Variants in MGAM2 observed in about 807,000 individuals in gnomAD.
MGAM2 encodes the protein maltase-glucoamylase 2 (putative).
A neutral mutation model predicts 96.1 loss-of-function variants in MGAM2; 98 were observed. The ratio of observed to expected loss-of-function variants is 1.02; its 90% CI spans 0.87 to 1.21. The LOEUF (loss-of-function observed/expected upper bound fraction) is 1.21. MGAM2 is among the 50% of genes most tolerant of loss of function. MGAM2 has a pLI of 0.00. For synonymous variants in MGAM2, 749 were observed against 414.8 expected, an observed-to-expected ratio of 1.81 and a Z score of -9.79; for missense variants, 2,055 against 1,182.4, an observed-to-expected ratio of 1.74 and a Z score of -10.82.
chr7:142,196,019 G>A (rs924076348), intron 37 of MGAM2, 135 bp from the exon 38 acceptor site: 1 of 649,736 alleles, frequency 1.5e-6, no homozygotes, highest in Middle Eastern at 4.0e-4. Flanking sequence ...ATGGCTTTGA[G>A]ACAGCAGATT....
In MGAM2 at chr7:142,167,403, GC is replaced by G. The variant is rs1185774624; in HGVS notation, c.2946del (p.Ala983ProfsTer14). 1 of 702,794 alleles carries G rather than the reference GC, an allele frequency of 1.4e-6. No homozygotes were observed. The highest frequency in any genetic ancestry group is 2.6e-6 in the Non-Finnish European group (1 of 384,986). The allele number at this position is 702,794 out of a possible 1,614,324, so 43.5% of individuals were successfully genotyped here. On this transcript the variant is annotated frameshift_variant, in exon 26 of 48. Transcript: ENST00000477922. LOFTEE classifies it high-confidence loss of function. ...GATGGCCCCTGAGTCAGCTGCTGCT[GC>G]CGCCTCTGATTCTCTCTCTGCAAAG... ...LPMAPESAAA[A>X]ASDSLSAKIS...
rs1261153853 is a variant in MGAM2 at position 142,147,687 on chromosome 7, G to A, written c.1634+114G>A. On this transcript the variant is annotated intron_variant, in intron 15 of 47. Coordinates refer to ENST00000477922, the MANE Select transcript of MGAM2 (RefSeq NM_001293626.2). ...TGTTCAAATATTTTTTGCATTTATA[G>A]AAATAGAAAAACTGTTCTTACAGAG... The A allele has an allele frequency of 5.3e-6, 3 of 564,938 alleles. No individual in the cohort carries two copies. In the East Asian group the frequency reaches 8.7e-5, roughly 16 times the overall value. The allele number at this position is 564,938 out of a possible 1,614,324, so 35.0% of individuals were successfully genotyped here.
chr7:142,218,547 A>G lies in MGAM2; in HGVS notation c.5358+16A>G. 1.6e-6 allele frequency: 1 copy of G among 610,428 alleles called. No individual in the cohort carries two copies. Among genetic ancestry groups the G allele is most frequent in the Admixed American group, 2.7e-5 (1 of 36,974 alleles). The allele number at this position is 610,428 out of a possible 1,614,324, so 37.8% of individuals were successfully genotyped here. A position where few individuals can be genotyped will look rare whatever the true frequency, so the allele number is the denominator to read the frequency against. On this transcript the variant is annotated intron_variant, in intron 47 of 47. Coordinates refer to ENST00000477922, the MANE Select transcript of MGAM2 (RefSeq NM_001293626.2). ...TTATAATCAGGTAGGTCTGAAAGGA[A>G]TATTAGCATATCACAAGTAAATTTT...
intron 44 of MGAM2, 104 bp from the exon 45 acceptor site, chr7:142,199,776 C>T: frequency 2.0e-6 from 1 of 496,512 alleles, no homozygotes; most frequent in Non-Finnish European, 3.6e-6. Context: ...ATATTTAATA[C>T]ATTTCTTTTA....
Position 142,141,025 on chromosome 7 carries a change from C to G in MGAM2, c.1223C>G (p.Pro408Arg). The G allele has an allele frequency of 1.4e-6, 1 of 696,956 alleles. No individual in the cohort carries two copies. The allele number at this position is 696,956 out of a possible 1,614,324, so 43.2% of individuals were successfully genotyped here. A position where few individuals can be genotyped will look rare whatever the true frequency, so the allele number is the denominator to read the frequency against. Reference sequence around the variant, plus strand: ...TATATCGTATTTCTTTATTAGAATCCTGGCATCTCCAAAAACTCTAACTAC... The same window carrying G: ...TATATCGTATTTCTTTATTAGAATCGTGGCATCTCCAAAAACTCTAACTAC... ...NGQKYLIIMN[P>R]GISKNSNYEP... Residue 408 changes from proline (P) to arginine (R), a missense_variant, in exon 12 of 48, where the codon CCT becomes CGT. By Grantham distance (103) the Pro-to-Arg change is moderately radical (BLOSUM62 -2). Coordinates refer to ENST00000477922, the MANE Select transcript of MGAM2 (RefSeq NM_001293626.2).
At position 142,150,655 on chromosome 7, in the gene MGAM2, G is replaced by A. The variant is rs566544426; in HGVS notation, c.1634+3082G>A. Among the ~76,000 whole-genome samples the A allele has an allele frequency of 9.2e-5, 14 of 152,244 alleles. No individual in the cohort carries two copies. In the South Asian group the frequency reaches 1.0e-3, roughly 11 times the overall value. On this transcript the variant is annotated intron_variant, in intron 15 of 47. Transcript: ENST00000477922. ...ATCAAGATCCCTGGGTGTATTGAACGTATGTTAAAATCTAGAAAGCACTGC... is the reference window on the plus strand; with the variant it reads ...ATCAAGATCCCTGGGTGTATTGAACATATGTTAAAATCTAGAAAGCACTGC...
At chr7:142,200,345 C>A (rs112795544) in intron 45 of MGAM2, among the ~76,000 whole-genome samples, 1 of 152,266 alleles carries the variant, frequency 6.6e-6, no homozygotes, top group East Asian at 1.9e-4. Flanking sequence ...ATACCAGGCA[C>A]CCTGTTCCTC....
In MGAM2 at chr7:142,159,340, G is replaced by A; in HGVS notation, c.2217G>A (p.Glu739=). Residue 739 remains glutamate, a synonymous_variant, in exon 20 of 48, where the codon GAG becomes GAA. Coordinates refer to ENST00000477922, the MANE Select transcript of MGAM2 (RefSeq NM_001293626.2). ...CTGATGCCACCTGGTATGACTATGA[G>A]ACAGTAAGTAAGGCAGCCCTGGTTG... ...YIPDATWYDY[E]TGVAISWRKQ... 1.4e-6 allele frequency: 1 copy of A among 702,450 alleles called. No homozygotes were observed. The highest frequency in any genetic ancestry group is 1.5e-5 in the South Asian group (1 of 67,586). The allele number at this position is 702,450 out of a possible 1,614,324, so 43.5% of individuals were successfully genotyped here.
chr7:142,151,608 G>A (rs897072372), intron 15 of MGAM2, among the ~76,000 whole-genome samples: 1 of 152,210 alleles, frequency 6.6e-6, no homozygotes, highest in African/African-American at 2.4e-5. Context: ...GAAACAGAGT[G>A]AGTAGTCAGG....
Position 142,120,295 on chromosome 7 carries a change from T to G in MGAM2, c.107-7T>G, listed in dbSNP as rs1461608013. On this transcript the variant is annotated splice_region_variant and splice_polypyrimidine_tract_variant and intron_variant, in intron 2 of 47. Transcript: ENST00000477922. ...ATTTTCAACTTTATCCTTTAATTCC[T>G]ATGCAGATACTTCATTTACTCCAGA... The G allele has an allele frequency of 1.4e-6, 1 of 702,984 alleles. No homozygotes were observed. Among genetic ancestry groups the G allele is most frequent in the African/African-American group, 1.7e-5 (1 of 57,366 alleles). The allele number at this position is 702,984 out of a possible 1,614,324, so 43.5% of individuals were successfully genotyped here. A position where few individuals can be genotyped will look rare whatever the true frequency, so the allele number is the denominator to read the frequency against.
chr7:142,201,583 A>C (rs1197088534), intron 45 of MGAM2, among the ~76,000 whole-genome samples: 1 of 152,198 alleles, frequency 6.6e-6, no homozygotes, highest in East Asian at 1.9e-4. Flanking sequence ...GAATATTTTT[A>C]TAACCCTGAA....
chr7:142,136,469 G>T, intron 7 of MGAM2, 72 bp from the exon 8 acceptor site: 2 of 530,478 alleles, frequency 3.8e-6, no homozygotes, highest in South Asian at 5.7e-5. Flanking sequence ...GATGGCTTTT[G>T]AATTTATTTT....
intron 37 of MGAM2, among the ~76,000 whole-genome samples, chr7:142,190,779 A>G (rs981278778): frequency 1.3e-5 from 2 of 152,130 alleles, no homozygotes; most frequent in African/African-American, 2.4e-5. Context: ...GGCTATTTGT[A>G]TATATTCAAA....
At position 142,154,716 on chromosome 7, in the gene MGAM2, G is replaced by A; in HGVS notation, c.1807-13G>A. 1 of 702,958 alleles carries A rather than the reference G, an allele frequency of 1.4e-6. No individual in the cohort carries two copies. Among genetic ancestry groups the A allele is most frequent in the South Asian group, 1.5e-5 (1 of 67,588 alleles). 43.5% of individuals were successfully genotyped at this position (702,958 alleles called of 1,614,324 possible). ...CATTGACCACAGTGCTTGTATGTGT[G>A]CTAATTCTCCAGGTAGGTGCCAACA... is the stretch of plus-strand genomic sequence containing the variant. On this transcript the variant is annotated splice_polypyrimidine_tract_variant and intron_variant, in intron 16 of 47. Transcript: ENST00000477922.
In MGAM2 at chr7:142,197,410, C is replaced by T; in HGVS notation, c.4643C>T (p.Pro1548Leu). 1 of 702,934 alleles carries T rather than the reference C, an allele frequency of 1.4e-6. No individual in the cohort carries two copies. Among genetic ancestry groups the T allele is most frequent in the Non-Finnish European group, 2.6e-6 (1 of 384,978 alleles). 43.5% of individuals were successfully genotyped at this position (702,934 alleles called of 1,614,324 possible). The change falls in exon 41 of 48, where the codon CCT (proline) becomes CTT (leucine). Residue 1548 changes from proline to leucine, a missense_variant. Coordinates refer to ENST00000477922, the MANE Select transcript of MGAM2 (RefSeq NM_001293626.2). The stretch of plus-strand genomic sequence containing the variant: ...TCTTTATCCTTACAGAGACAAGATC[C>T]TGTGGCCTGGAATTCAACCTTTGAG... ...HNNIGTRRQD[P>L]VAWNSTFEML...
intron 14 of MGAM2, 113 bp from the exon 15 acceptor site, chr7:142,147,343 T>G: frequency 1.7e-6 from 1 of 574,254 alleles, no homozygotes; most frequent in Non-Finnish European, 3.1e-6. Context: ...ATGGATTTGG[T>G]CAGGTGGAGA....
chr7:142,155,684 G>C (rs1442183390), intron 17 of MGAM2, among the ~76,000 whole-genome samples: 1 of 152,160 alleles, frequency 6.6e-6, no homozygotes, highest in Non-Finnish European at 1.5e-5. Flanking sequence ...AGGTGGCTGG[G>C]AGCAGGTGGG....
intron 17 of MGAM2, among the ~76,000 whole-genome samples, chr7:142,157,427 C>T (rs1033505461): frequency 3.4e-5 from 5 of 148,906 alleles, no homozygotes; most frequent in Non-Finnish European, 5.9e-5. Context: ...GAGTCTCATT[C>T]TGTTGCCAGT....
At chr7:142,140,644 G>C (rs1364074642) in intron 10 of MGAM2, among the ~76,000 whole-genome samples, 158 bp from the exon 11 acceptor site, 3 of 152,128 alleles carry the variant, frequency 2.0e-5, no homozygotes, top group Non-Finnish European at 4.4e-5. Flanking sequence ...GTCTTTCAAA[G>C]ATAGCTTATT....
Sources: gnomAD v4.1 joint callset for allele counts (sites outside exome capture counted in the v4.1 genomes callset) on GRCh38, gnomAD v4.1.1 for gene constraint, MANE v1.5 for transcripts, NCBI Gene and HGNC (gene_info 2026-07-23, HGNC 2026-07-21) for gene names.